Variants in LAD1 observed in about 807,000 individuals in gnomAD.
LAD1 encodes the protein ladinin-1.
In LAD1, 53 loss-of-function variants were observed where a neutral mutation model predicts 54.2. The ratio of observed to expected loss-of-function variants is 0.98; its 90% confidence interval spans 0.78 to 1.23. LAD1 has a LOEUF of 1.23. LAD1 is among the 50% of genes most tolerant of loss of function. The probability of loss-of-function intolerance (pLI) is 0.00; values close to 1 mark genes in which losing one functional copy is unlikely to be tolerated. For synonymous variants in LAD1, 231 were observed against 257.7 expected, an observed-to-expected ratio of 0.90 and a Z score of 0.99; for missense variants, 637 against 653.3, an observed-to-expected ratio of 0.98 and a Z score of 0.27.
chr1:201,391,890 C>T (rs528839149), intron 1 of LAD1, among the ~76,000 whole-genome samples: 1 of 152,288 alleles, frequency 6.6e-6, no homozygotes, highest in East Asian at 1.9e-4. Flanking sequence ...CTGTGGTTCC[C>T]CCTGCATTGT....
Position 201,392,811 on chromosome 1 carries a change from G to A in LAD1, c.39-3508C>T, listed in dbSNP as rs1044638110. Among the ~76,000 whole-genome samples the A allele has an allele frequency of 1.1e-4, 16 of 152,036 alleles. 1 individual carries two copies. On this transcript the variant is annotated intron_variant, in intron 1 of 9. Coordinates refer to ENST00000391967, the MANE Select transcript of LAD1 (RefSeq NM_005558.4). ...GTATGAAAAAAAAAAACATTGAAAG[G>A]GCCAGGGGAGAGGGGAAACAGAGGA...
intron 7 of LAD1, 43 bp from the exon 8 acceptor site, chr1:201,382,782 A>G: frequency 6.9e-7 from 1 of 1,456,580 alleles, no homozygotes. Flanking sequence ...GGCCCTTGGC[A>G]GCAGCGAGGC....
rs369301372 is a variant in LAD1 at position 201,385,754 on chromosome 1, G to A, written c.1078C>T (p.Arg360Ter). 6.1e-5 allele frequency: 98 copies of A among 1,614,024 alleles called. 1 individual carries two copies. Among genetic ancestry groups the A allele is most frequent in the South Asian group, 7.7e-5 (7 of 91,088 alleles). ...CGTTTGAGGGAGCTGCTGTAGGTTC[G>A]CTGTGTGGGTGAGGACATATCTGCC... ...EEADMSSPTQ[R>*]TYSSSLKRSS... Residue 360 changes from arginine (R) to a stop codon, truncating the protein, a stop_gained, in exon 4 of 10, where the codon CGA (arginine) becomes TGA (stop). Coordinates refer to ENST00000391967, the MANE Select transcript of LAD1 (RefSeq NM_005558.4). LOFTEE classifies it high-confidence loss of function.
At position 201,380,931 on chromosome 1, in the gene LAD1, A is replaced by T. The variant is rs1315824604; in HGVS notation, c.*957T>A. ...ATGTTCCTAGCTTGGTTGGTTCTAG[A>T]TTCTCTGATGGTTCACCATGCTCCA... is the stretch of plus-strand genomic sequence containing the variant. On this transcript the variant is annotated 3_prime_UTR_variant, in exon 10 of 10. Transcript: ENST00000391967. 1.3e-5 allele frequency: 2 copies of T among 149,528 alleles called. No homozygotes were observed. Among genetic ancestry groups the T allele is most frequent in the Non-Finnish European group, 3.0e-5 (2 of 67,572 alleles). 9.3% of individuals were successfully genotyped at this position (149,528 alleles called of 1,614,324 possible).
chr1:201,387,020 T>G lies in LAD1; in HGVS notation c.341A>C (p.Glu114Ala). ...AAQAPIQERL[E>A]AEEGRNSLSP... ...CAAGCTGTTCCTCCCCTCCTCTGCC[T>G]CCAGCCTCTCCTGGATGGGGGCCTG... The change falls in exon 3 of 10, where the codon GAG (glutamate) becomes GCG (alanine). Residue 114 changes from glutamate (E) to alanine (A), a missense_variant. Glu to Ala is a moderately radical substitution (Grantham distance 107). Transcript: ENST00000391967. The G allele has an allele frequency of 6.2e-7, 1 of 1,611,222 alleles. No homozygotes were observed. Among genetic ancestry groups the G allele is most frequent in the Non-Finnish European group, 8.5e-7 (1 of 1,178,782 alleles).
In LAD1 at chr1:201,389,298, G is replaced by C. The variant is rs1263065563; in HGVS notation, c.44C>G (p.Ala15Gly). The change falls in exon 2 of 10, where the codon GCC (alanine) becomes GGC (glycine). Residue 15 changes from alanine (A) to glycine (G), a missense_variant. Transcript: ENST00000391967. ...RKDWSALSSL[A>G]RQRTLEDEEE... The stretch of plus-strand genomic sequence containing the variant: ...CTCATCCTCCAGAGTCCTCTGCCGG[G>C]CAAGGCTGGGGGAGGGGAGGAGAGG... 2.5e-6 allele frequency: 4 copies of C among 1,611,894 alleles called. No individual in the cohort carries two copies. The highest frequency in any genetic ancestry group is 3.4e-6 in the Non-Finnish European group (4 of 1,179,662).
chr1:201,385,619 A>T (rs1571720063), intron 4 of LAD1, 82 bp downstream of exon 4: 2 of 1,022,792 alleles, frequency 2.0e-6, no homozygotes, highest in Non-Finnish European at 3.1e-6. Flanking sequence ...TACCTAACCT[A>T]CGGCTCCTAT....
At position 201,386,394 on chromosome 1, in the gene LAD1, T is replaced by C. The variant is rs4128458; in HGVS notation, c.967A>G (p.Lys323Glu). 760,274 of 1,518,574 alleles carry C rather than the reference T, an allele frequency of 0.5. 195,356 individuals carry two copies. Among genetic ancestry groups the C allele is most frequent in the African/African-American group, 0.82 (58,681 of 71,696 alleles). 94.1% of individuals were successfully genotyped at this position (1,518,574 alleles called of 1,614,324 possible). ...GTCGGAGGGTCTGAAGCCCCCTGCTTTGCCAAAGAGGGCAGGTTCTTCCCA... is the reference window on the plus strand; with the variant it reads ...GTCGGAGGGTCTGAAGCCCCCTGCTCTGCCAAAGAGGGCAGGTTCTTCCCA... ...LPGKNLPSLA[K>E]QGASDPPTVA... Residue 323 changes from lysine to glutamate, a missense_variant, in exon 3 of 10, where the codon AAG becomes GAG. Transcript: ENST00000391967.
chr1:201,383,700 C>T (rs1662019323), intron 5 of LAD1: 1 of 403,006 alleles, frequency 2.5e-6, no homozygotes, highest in Admixed American at 3.6e-5. Context: ...CAGCAATCGC[C>T]ACTTACCTGC....
intron 1 of LAD1, 100 bp downstream of exon 1, chr1:201,399,169 G>T: frequency 9.9e-7 from 1 of 1,013,192 alleles, no homozygotes; most frequent in Admixed American, 2.1e-5. Context: ...CAGCCTCAGT[G>T]TCAGGGTCCC....
intron 2 of LAD1, among the ~76,000 whole-genome samples, chr1:201,387,503 A>G (rs573185301): frequency 6.6e-5 from 10 of 152,382 alleles, no homozygotes; most frequent in Admixed American, 5.9e-4. Context: ...CAAAAGGAAT[A>G]AGCACAGTCT....
chr1:201,397,980 G>T (rs1411303306), intron 1 of LAD1, among the ~76,000 whole-genome samples: 1 of 152,178 alleles, frequency 6.6e-6, no homozygotes, highest in Non-Finnish European at 1.5e-5. Context: ...AGCAGCCTGG[G>T]TTTCTTTTCC....
intron 4 of LAD1, among the ~76,000 whole-genome samples, chr1:201,385,464 G>A (rs1476931430): frequency 6.6e-6 from 1 of 152,182 alleles, no homozygotes; most frequent in Admixed American, 6.5e-5. Flanking sequence ...ATGCAGCCCT[G>A]GCCTTGCCCA....
intron 5 of LAD1, among the ~76,000 whole-genome samples, chr1:201,384,438 G>A (rs1017943510): frequency 6.6e-6 from 1 of 152,098 alleles, no homozygotes; most frequent in Non-Finnish European, 1.5e-5. Flanking sequence ...AACCAGGCCT[G>A]CTGGAGCAGG....
chr1:201,393,065 A>G (rs1253388171), intron 1 of LAD1, among the ~76,000 whole-genome samples: 1 of 152,184 alleles, frequency 6.6e-6, no homozygotes, highest in African/African-American at 2.4e-5. Context: ...GAGGGCCATT[A>G]ATAACATGGG....
At chr1:201,396,975 C>T (rs1662301982) in intron 1 of LAD1, among the ~76,000 whole-genome samples, 1 of 152,226 alleles carries the variant, frequency 6.6e-6, no homozygotes, top group South Asian at 2.1e-4. Context: ...CTGGCCCAGC[C>T]TCACTGGTCA....
At chr1:201,397,760 C>T (rs1337925187) in intron 1 of LAD1, among the ~76,000 whole-genome samples, 2 of 152,038 alleles carry the variant, frequency 1.3e-5, no homozygotes, top group African/African-American at 2.4e-5. Context: ...GCTCCCCACA[C>T]AGATGTGTCA....
intron 1 of LAD1, among the ~76,000 whole-genome samples, chr1:201,395,463 T>C (rs2102361112): frequency 6.6e-6 from 1 of 152,284 alleles, no homozygotes; most frequent in African/African-American, 2.4e-5. Context: ...CATTCATCTT[T>C]ACAACAGCCA....
chr1:201,382,596 CCA>C, intron 8 of LAD1, 55 bp downstream of exon 8: 1 of 1,399,094 alleles, frequency 7.1e-7, no homozygotes, highest in Non-Finnish European at 9.9e-7. Context: ...TCCTCTGTCC[CCA>C]GTCATCCCAC....
Sources: gnomAD v4.1 joint callset for allele counts (sites outside exome capture counted in the v4.1 genomes callset) on GRCh38, gnomAD v4.1.1 for gene constraint, MANE v1.5 for transcripts, NCBI Gene and HGNC (gene_info 2026-07-23, HGNC 2026-07-21) for gene names.